The following NPAS3 variants were observed in gnomAD, a reference collection of about 807,000 sequenced individuals.
NPAS3 encodes the protein neuronal PAS domain-containing protein 3.
Under a neutral mutation model 73.1 loss-of-function variants are expected in NPAS3, and 14 were observed. That is an observed-to-expected ratio of 0.19 (90% confidence interval 0.13 to 0.30). The LOEUF is 0.30. Among genes scored for constraint, NPAS3 ranks in the 10% least tolerant of loss-of-function variants. NPAS3 has a pLI of 1.00. For synonymous variants in NPAS3, 620 were observed against 541.5 expected (o/e 1.14, Z -2.01); for missense variants, 1,096 against 1,250.0 (o/e 0.88, Z 1.86).
In NPAS3 at chr14:33,770,085, T is replaced by C. The variant is rs547687677; in HGVS notation, c.853-4252T>C. ...CAGCCTGGAAAACTTTAAAAATGTC[T>C]ATGAATATTGATGCCAGTGCCCCAC... is the stretch of plus-strand genomic sequence containing the variant. On this transcript the variant is annotated intron_variant, in intron 7 of 11. Coordinates refer to ENST00000356141, the Ensembl canonical transcript of NPAS3. Among the ~76,000 whole-genome samples the C allele has an allele frequency of 2.0e-5, 3 of 152,154 alleles. No individual in the cohort carries two copies. The East Asian group carries it at 5.8e-4, about 29-fold the overall frequency.
chr14:33,174,083 G>A (rs2045496320), intron 2 of NPAS3, among the ~76,000 whole-genome samples: 1 of 152,186 alleles, frequency 6.6e-6, no homozygotes, highest in African/African-American at 2.4e-5. Context: ...TAGAAATAGT[G>A]TGTTATGCTC....
chr14:33,032,191 G>C (rs571281341), intron 1 of NPAS3, among the ~76,000 whole-genome samples: 1 of 152,274 alleles, frequency 6.6e-6, no homozygotes, highest in Admixed American at 6.5e-5. Context: ...TACATGATGC[G>C]GCTGAAGATT....
At chr14:33,562,403 C>A (rs1419992853) in intron 5 of NPAS3, among the ~76,000 whole-genome samples, 1 of 152,130 alleles carries the variant, frequency 6.6e-6, no homozygotes, top group African/African-American at 2.4e-5. Context: ...CAAAATGTGC[C>A]ATTGCCTTCT....
rs545772270 is a variant in NPAS3, at chr14:33,438,963, A to G, written c.468+71695A>G. Among the ~76,000 whole-genome samples the G allele has an allele frequency of 2.4e-4, 37 of 152,310 alleles. 1 individual carries two copies. In the South Asian group the frequency reaches 5.6e-3, roughly 23 times the overall value. On this transcript the variant is annotated intron_variant, in intron 4 of 11. Transcript: ENST00000356141. ...TACATTTATGAAATTTTTCAACACC[A>G]TGTAGGCCTGTGGTGCTAAGGTCGG...
intron 4 of NPAS3, among the ~76,000 whole-genome samples, chr14:33,411,562 C>T (rs2047929711): frequency 6.6e-6 from 1 of 152,186 alleles, no homozygotes; most frequent in African/African-American, 2.4e-5. Flanking sequence ...GTTAAATATC[C>T]TCCAGTGCAC....
At chr14:33,307,726 A>G (rs2042815579) in intron 3 of NPAS3, among the ~76,000 whole-genome samples, 1 of 151,834 alleles carries the variant, frequency 6.6e-6, no homozygotes, top group Non-Finnish European at 1.5e-5. Flanking sequence ...ATAGAAGCCC[A>G]TATTCATTTA....
At chr14:33,569,196 T>TAATA (rs923793252) in intron 5 of NPAS3, among the ~76,000 whole-genome samples, 1 of 152,178 alleles carries the variant, frequency 6.6e-6, no homozygotes, top group Non-Finnish European at 1.5e-5. Flanking sequence ...CCACATTCAA[T>TAATA]AATAAGACAA....
At chr14:33,491,194 C>T (rs754697439) in intron 4 of NPAS3, among the ~76,000 whole-genome samples, 3 of 151,992 alleles carry the variant, frequency 2.0e-5, no homozygotes, top group Non-Finnish European at 4.4e-5. Flanking sequence ...TTTGATATTT[C>T]CAAAGCCAGT....
intron 2 of NPAS3, among the ~76,000 whole-genome samples, chr14:33,079,922 T>A (rs2041811826): frequency 6.6e-6 from 1 of 152,050 alleles, no homozygotes; most frequent in Non-Finnish European, 1.5e-5. Context: ...TGAATTGTAC[T>A]TTTTCTTTCA....
chr14:33,801,321 C>CAGTT (rs942589116), downstream of NPAS3: 4 of 922,854 alleles, frequency 4.3e-6, no homozygotes, highest in Admixed American at 6.2e-5. Flanking sequence ...GTCAGACGAC[C>CAGTT]AGTTGCCTGC....
At chr14:33,640,525 GA>G (rs994023409) in intron 5 of NPAS3, among the ~76,000 whole-genome samples, 5 of 151,824 alleles carry the variant, frequency 3.3e-5, no homozygotes, top group African/African-American at 9.7e-5. Flanking sequence ...GTTTCCAGAA[GA>G]AAAAAAACTT....
At position 33,297,553 on chromosome 14, in the gene NPAS3, C is replaced by T. The variant is rs2042351276; in HGVS notation, c.386-69633C>T. 2.0e-5 allele frequency among the ~76,000 whole-genome samples: 3 copies of T among 151,958 alleles called. 1 individual carries two copies. The highest frequency in any genetic ancestry group is 4.2e-4 in the South Asian group (2 of 4,816). ...CATGCATTTCACTAAAAATGTTGCT[C>T]AGTAGCCATATTTGGTAAATTGATT... is the stretch of plus-strand genomic sequence containing the variant. On this transcript the variant is annotated intron_variant, in intron 3 of 11. Coordinates refer to ENST00000356141, the Ensembl canonical transcript of NPAS3.
intron 4 of NPAS3, among the ~76,000 whole-genome samples, chr14:33,543,895 T>A (rs1249658684): frequency 8.2e-6 from 1 of 121,346 alleles, no homozygotes; most frequent in Non-Finnish European, 1.7e-5. Flanking sequence ...GAATTTCAGT[T>A]CCCAGCTGTG....
At chr14:33,219,115 G>T (rs766959504) in intron 3 of NPAS3, among the ~76,000 whole-genome samples, 2 of 152,174 alleles carry the variant, frequency 1.3e-5, no homozygotes, top group Non-Finnish European at 2.9e-5. Flanking sequence ...TCTCAGCAGT[G>T]TTTCAGCTAA....
At chr14:33,675,624 T>C (rs2383522) in intron 5 of NPAS3, among the ~76,000 whole-genome samples, 92,798 of 152,080 alleles carry the variant, frequency 0.61, 28,881 homozygotes, top group African/African-American at 0.73. Context: ...AAATCCCTCA[T>C]ACGATTACAG....
At chr14:33,494,320 A>G (rs75287766) in intron 4 of NPAS3, among the ~76,000 whole-genome samples, 1 of 152,170 alleles carries the variant, frequency 6.6e-6, no homozygotes, top group African/African-American at 2.4e-5. Context: ...TTCTGCAAGC[A>G]TAGAAAAACA....
chr14:33,225,835 T>C (rs1169180843), intron 3 of NPAS3, among the ~76,000 whole-genome samples: 2 of 152,194 alleles, frequency 1.3e-5, no homozygotes, highest in African/African-American at 4.8e-5. Context: ...GGTACCTATT[T>C]TAGAAACCAT....
chr14:33,154,403 C>A (rs554589718), intron 2 of NPAS3, among the ~76,000 whole-genome samples: 3 of 152,318 alleles, frequency 2.0e-5, no homozygotes, highest in Non-Finnish European at 2.9e-5. Context: ...AGATTAATGT[C>A]TAAGAATGTT....
intron 6 of NPAS3, among the ~76,000 whole-genome samples, chr14:33,720,306 T>A (rs148118289): frequency 6.6e-6 from 1 of 152,256 alleles, no homozygotes; most frequent in East Asian, 1.9e-4. Flanking sequence ...TGATCAGCAA[T>A]GGGCCTTTTC....
Sources: gnomAD v4.1 joint callset for allele counts (sites outside exome capture counted in the v4.1 genomes callset) on GRCh38, gnomAD v4.1.1 for gene constraint, MANE v1.5 for transcripts, NCBI Gene and HGNC (gene_info 2026-07-23, HGNC 2026-07-21) for gene names.